CYTH3: variants seen among roughly 807,000 people sequenced by gnomAD.
The protein encoded by CYTH3 is cytohesin-3.
Under a neutral mutation model 55.1 loss-of-function variants are expected in CYTH3, and 23 were observed. That is an observed-to-expected ratio of 0.42 (90% confidence interval 0.30 to 0.59). The LOEUF is 0.59. Ranked by LOEUF, CYTH3 falls within the 20% of genes least tolerant of loss-of-function variation. CYTH3 has a pLI of 0.20. For synonymous variants in CYTH3, 249 were observed against 194.9 expected, an observed-to-expected ratio of 1.28 and a Z score of -2.31; for missense variants, 413 against 524.8, an observed-to-expected ratio of 0.79 and a Z score of 2.08.
chr7:6,246,424 T>G (rs1238498237), intron 1 of CYTH3, among the ~76,000 whole-genome samples: 1 of 152,140 alleles, frequency 6.6e-6, no homozygotes, highest in African/African-American at 2.4e-5. Context: ...ATAGAATTTT[T>G]GCGTGACATG....
chr7:6,192,698 A>AT (rs1442994609), intron 1 of CYTH3, among the ~76,000 whole-genome samples: 2 of 150,558 alleles, frequency 1.3e-5, no homozygotes, highest in Non-Finnish European at 3.0e-5. Context: ...CGCTCGGCTA[A>AT]TTTTTTGTAT....
At chr7:6,242,541 T>C (rs562878102) in intron 1 of CYTH3, among the ~76,000 whole-genome samples, 94 of 149,622 alleles carry the variant, frequency 6.3e-4, no homozygotes, top group African/African-American at 2.3e-3. Context: ...CACACCCGGC[T>C]AATTTTTGTG....
intron 6 of CYTH3, among the ~76,000 whole-genome samples, chr7:6,173,274 T>C (rs915908834): frequency 6.6e-6 from 1 of 152,108 alleles, no homozygotes; most frequent in African/African-American, 2.4e-5. Flanking sequence ...CACACTCAGG[T>C]ATCCATGCGT....
chr7:6,248,439 T>A (rs1234245126), intron 1 of CYTH3, among the ~76,000 whole-genome samples: 1 of 152,170 alleles, frequency 6.6e-6, no homozygotes, highest in East Asian at 1.9e-4. Context: ...TCTGAGCCTA[T>A]CGTGTTGCTT....
At chr7:6,243,438 T>C (rs935251018) in intron 1 of CYTH3, among the ~76,000 whole-genome samples, 5 of 152,242 alleles carry the variant, frequency 3.3e-5, no homozygotes, top group South Asian at 4.1e-4. Context: ...GGGGAAGCAA[T>C]GTAATAACAT....
chr7:6,191,620 G>C (rs917844799), intron 1 of CYTH3, among the ~76,000 whole-genome samples: 84 of 124,468 alleles, frequency 6.7e-4, no homozygotes, highest in African/African-American at 2.5e-3. Flanking sequence ...TTTTGAGACA[G>C]AATCTGACTC....
intron 1 of CYTH3, among the ~76,000 whole-genome samples, chr7:6,230,996 T>C (rs1003477724): frequency 3.9e-5 from 6 of 152,216 alleles, no homozygotes; most frequent in Admixed American, 6.5e-5. Flanking sequence ...ACAGACTTCC[T>C]ACTGTGCCTT....
At chr7:6,268,497 G>A (rs1324577606) in intron 1 of CYTH3, among the ~76,000 whole-genome samples, 1 of 152,286 alleles carries the variant, frequency 6.6e-6, no homozygotes, top group African/African-American at 2.4e-5. Flanking sequence ...ATATTTTGGA[G>A]ATCTCTCCAT....
intron 2 of CYTH3, among the ~76,000 whole-genome samples, 198 bp from the exon 3 acceptor site, chr7:6,187,919 C>G (rs147866745): frequency 6.6e-6 from 1 of 152,194 alleles, no homozygotes; most frequent in African/African-American, 2.4e-5. Context: ...ACACAAAATT[C>G]TTTGCTCACT....
At chr7:6,220,298 G>T (rs981588345) in intron 1 of CYTH3, among the ~76,000 whole-genome samples, 2 of 152,182 alleles carry the variant, frequency 1.3e-5, no homozygotes, top group African/African-American at 2.4e-5. Context: ...ATAGGCAAAA[G>T]AATGAAACTT....
At chr7:6,267,648 C>A (rs575776671) in intron 1 of CYTH3, among the ~76,000 whole-genome samples, 2 of 152,246 alleles carry the variant, frequency 1.3e-5, no homozygotes, top group African/African-American at 4.8e-5. Context: ...CTCAGCCTCT[C>A]GAGCAGCTGG....
chr7:6,194,510 C>A lies in CYTH3; in HGVS notation c.35-3979G>T, dbSNP rs772483866. Among the ~76,000 whole-genome samples, 178 of 152,168 alleles carry A rather than the reference C, an allele frequency of 1.2e-3. 1 individual carries two copies. The highest frequency in any genetic ancestry group is 2.1e-3 in the Non-Finnish European group (143 of 68,028). On this transcript the variant is annotated intron_variant, in intron 1 of 12. Transcript: ENST00000350796. ...AAACAACACATGCATTTCAATCTCA[C>A]CAGACTGTGACCTGTCATCGAGAGA...
At chr7:6,222,353 C>G (rs1784571403) in intron 1 of CYTH3, among the ~76,000 whole-genome samples, 1 of 152,192 alleles carries the variant, frequency 6.6e-6, no homozygotes, top group South Asian at 2.1e-4. Context: ...CGTGTTCCCC[C>G]CCATATCCCT....
intron 1 of CYTH3, among the ~76,000 whole-genome samples, chr7:6,193,858 T>C (rs1297528128): frequency 6.6e-6 from 1 of 152,040 alleles, no homozygotes; most frequent in African/African-American, 2.4e-5. Flanking sequence ...AAAGCAAACA[T>C]ACTCATCACC....
At chr7:6,230,576 G>A (rs985002957) in intron 1 of CYTH3, among the ~76,000 whole-genome samples, 6 of 152,078 alleles carry the variant, frequency 3.9e-5, no homozygotes, top group Admixed American at 3.9e-4. Context: ...TTTACACGGT[G>A]AAAAAAATGT....
Position 6,170,649 on chromosome 7 carries a change from G to C in CYTH3, c.712-3C>G. On this transcript the variant is annotated splice_polypyrimidine_tract_variant and splice_region_variant and intron_variant, in intron 8 of 12. Transcript: ENST00000350796. This position sits in a 1 kb window ranked among gnomAD's most constrained non-coding sequence, Gnocchi z 7.8. ...TTCTTAATGCTCTCATACAAATTCT[G>C]CAAGGAGGGAAAACAGCAGCCAGTT... 3 of 1,613,022 alleles carry C rather than the reference G, an allele frequency of 1.9e-6. No individual in the cohort carries two copies. Among genetic ancestry groups the C allele is most frequent in the Non-Finnish European group, 2.5e-6 (3 of 1,179,440 alleles).
At position 6,162,058 on chromosome 7, in the gene CYTH3, G is replaced by T. The variant is rs1462293799; in HGVS notation, c.*2886C>A. 2 of 152,628 alleles carry T rather than the reference G, an allele frequency of 1.3e-5. No homozygotes were observed. Among genetic ancestry groups the T allele is most frequent in the Non-Finnish European group, 2.9e-5 (2 of 68,032 alleles). 9.5% of individuals were successfully genotyped at this position (152,628 alleles called of 1,614,324 possible). A position where few individuals can be genotyped will look rare whatever the true frequency, so the allele number is the denominator to read the frequency against. ...GGTCTACCACAGACCTAACTTCTCA[G>T]CAAAGCATATCTATGTAGATATCTG... is the stretch of plus-strand genomic sequence containing the variant. On this transcript the variant is annotated 3_prime_UTR_variant, in exon 13 of 13. Coordinates refer to ENST00000350796, the MANE Select transcript of CYTH3 (RefSeq NM_004227.4).
At chr7:6,212,546 T>C (rs1017512292) in intron 1 of CYTH3, 1 of 152,170 alleles carries the variant, frequency 6.6e-6, no homozygotes, top group Non-Finnish European at 1.5e-5. Flanking sequence ...TTATTTCACC[T>C]GGCATAAATA....
At chr7:6,182,665 C>A (rs1367055684) in intron 4 of CYTH3, among the ~76,000 whole-genome samples, 1 of 152,114 alleles carries the variant, frequency 6.6e-6, no homozygotes, top group East Asian at 1.9e-4. Context: ...TACCACCATG[C>A]CTGGCTTATT....
Sources: gnomAD v4.1 joint callset for allele counts (sites outside exome capture counted in the v4.1 genomes callset) on GRCh38, gnomAD v4.1.1 for gene constraint, Gnocchi (gnomAD v3.1) non-coding constraint, MANE v1.5 for transcripts, NCBI Gene and HGNC (gene_info 2026-07-23, HGNC 2026-07-21) for gene names.